COL4A6: variants seen among roughly 807,000 people sequenced by gnomAD.
COL4A6 encodes collagen type IV alpha 6 chain, also known as collagen alpha-6(IV) chain.
A neutral mutation model predicts 126.7 loss-of-function variants in COL4A6; 59 were observed. That is an observed-to-expected ratio of 0.47 (90% CI 0.38 to 0.58). The LOEUF (loss-of-function observed/expected upper bound fraction) is 0.58. Among genes scored for constraint, COL4A6 ranks in the 20% least tolerant of loss-of-function variants. The probability of loss-of-function intolerance (pLI) is 0.00; values close to 1 mark genes in which losing one functional copy is unlikely to be tolerated. For synonymous variants in COL4A6, 547 were observed against 496.6 expected, an observed-to-expected ratio of 1.10 and a Z score of -1.35; for missense variants, 1,285 against 1,337.3, an observed-to-expected ratio of 0.96 and a Z score of 0.61.
chrX:108,236,405 A>C (rs1219609537), intron 3 of COL4A6, among the ~76,000 whole-genome samples: 3 of 111,396 alleles, frequency 2.7e-5, no homozygotes, highest in Non-Finnish European at 3.8e-5. Flanking sequence ...CCAAAGGCAA[A>C]GCTAAAGAGC....
chrX:108,176,856 G>C lies in COL4A6; in HGVS notation c.2671C>G (p.Leu891Val), dbSNP rs778605883. The change falls in exon 28 of 45, where the codon CTC becomes GTC. Residue 891 changes from leucine (L) to valine (V), a missense_variant. Coordinates refer to ENST00000334504, the MANE Select transcript of COL4A6 (RefSeq NM_033641.4). ...CTTCACTTACCCTTGGGTCCAGAGA[G>C]GGCTGGCAACCCAGCGACCCCTGGA... ...GSPGVAGLPA[L>V]SGPKGEKGSV... 17 of 1,208,445 alleles carry C rather than the reference G, an allele frequency of 1.4e-5. No individual in the cohort carries two copies. In the South Asian group the frequency reaches 3.0e-4, roughly 21 times the overall value.
intron 3 of COL4A6, among the ~76,000 whole-genome samples, chrX:108,236,068 C>T (rs1055163686): frequency 3.6e-5 from 4 of 111,468 alleles, no homozygotes; most frequent in Middle Eastern, 4.6e-3. Flanking sequence ...TGCTGGCAAT[C>T]TTTCAGAAAA....
intron 2 of COL4A6, among the ~76,000 whole-genome samples, chrX:108,375,863 A>C (rs1427011825): frequency 1.8e-5 from 2 of 110,906 alleles, no homozygotes; most frequent in South Asian, 3.9e-4. Flanking sequence ...ATGACACAGC[A>C]GGTGTGCAAC....
In COL4A6 at chrX:108,221,247, C is replaced by T; in HGVS notation, c.272G>A (p.Gly91Glu). The change falls in exon 4 of 45, where the codon GGA becomes GAA. Residue 91 changes from glycine (G) to glutamate (E), a missense_variant. Physicochemically the swap from Gly to Glu is moderately conservative, Grantham distance 98. Coordinates refer to ENST00000334504, the MANE Select transcript of COL4A6 (RefSeq NM_033641.4). ...AAGCTTTGCTGGTCTTACCTTATCT[C>T]CTTTTGGTCCATAAGGTCCCAGAAG... is the stretch of plus-strand genomic sequence containing the variant. ...PGLLGPYGPKGDKGPMGVPGF... is the reference protein window; with the variant it reads ...PGLLGPYGPKEDKGPMGVPGF... The T allele has an allele frequency of 8.3e-7, 1 of 1,211,398 alleles. No homozygotes were observed. The highest frequency in any genetic ancestry group is 1.8e-5 in the South Asian group (1 of 56,985).
intron 2 of COL4A6, among the ~76,000 whole-genome samples, chrX:108,367,369 G>T (rs1443550208): frequency 9.0e-6 from 1 of 111,320 alleles, no homozygotes. Context: ...AATGGTGGCT[G>T]GTGTTCTCTC....
At chrX:108,400,894 A>C (rs751106041) in intron 2 of COL4A6, among the ~76,000 whole-genome samples, 12 of 112,153 alleles carry the variant, frequency 1.1e-4, no homozygotes, top group Middle Eastern at 4.6e-3. Flanking sequence ...AAAGGTATCA[A>C]GAATTTTCTT....
intron 29 of COL4A6, 151 bp downstream of exon 29, chrX:108,175,503 C>A: frequency 1.6e-6 from 1 of 644,305 alleles, no homozygotes; most frequent in Non-Finnish European, 2.3e-6. Flanking sequence ...GGGATTAAGT[C>A]TTTTGGTTTA....
chrX:108,347,523 T>C (rs1004078148), intron 2 of COL4A6, among the ~76,000 whole-genome samples: 1 of 111,317 alleles, frequency 9.0e-6, no homozygotes, highest in African/African-American at 3.3e-5. Context: ...CAGAAAAGGA[T>C]CTGTCAAATC....
chrX:108,254,369 A>G (rs904286961), intron 3 of COL4A6, among the ~76,000 whole-genome samples: 1 of 111,669 alleles, frequency 9.0e-6, no homozygotes, highest in Non-Finnish European at 1.9e-5. Context: ...CTGTAATCCT[A>G]TGGGCACACT....
At chrX:108,201,183 C>G (rs2148191485) in intron 13 of COL4A6, among the ~76,000 whole-genome samples, 1 of 111,636 alleles carries the variant, frequency 9.0e-6, no homozygotes, top group South Asian at 3.9e-4. Flanking sequence ...CAGAGAGACC[C>G]AAACTATCTC....
At chrX:108,224,578 T>C (rs998955186) in intron 3 of COL4A6, among the ~76,000 whole-genome samples, 1 of 111,185 alleles carries the variant, frequency 9.0e-6, no homozygotes, top group Non-Finnish European at 1.9e-5. Context: ...TCATAGGATA[T>C]GAGACAAAAA....
At chrX:108,345,270 G>T (rs896735129) in intron 2 of COL4A6, among the ~76,000 whole-genome samples, 9 of 111,510 alleles carry the variant, frequency 8.1e-5, no homozygotes, top group Non-Finnish European at 1.7e-4. Flanking sequence ...ATGTAAAAAT[G>T]AAGAGTGGAT....
At chrX:108,167,544 T>C (rs1472238506) in intron 37 of COL4A6, among the ~76,000 whole-genome samples, 1 of 110,893 alleles carries the variant, frequency 9.0e-6, no homozygotes, top group African/African-American at 3.3e-5. Context: ...CCATGTTACC[T>C]AGGCTGGTCT....
At chrX:108,217,203 T>A (rs2035882010) in intron 5 of COL4A6, among the ~76,000 whole-genome samples, 1 of 112,181 alleles carries the variant, frequency 8.9e-6, no homozygotes, top group South Asian at 3.8e-4. Flanking sequence ...AAAATGGAGT[T>A]TTGAGAACAA....
At position 108,278,104 on chromosome X, in the gene COL4A6, C is replaced by G. The variant is rs1178652349; in HGVS notation, c.144+32644G>C. ...GAGCGCCTCTCCTCCTCCAAAGGAA[C>G]GCAGCTCCTCACCAGCAACAGAACA... On this transcript the variant is annotated intron_variant, in intron 3 of 44. Transcript: ENST00000334504. Among the ~76,000 whole-genome samples, 3 of 111,794 alleles carry G rather than the reference C, an allele frequency of 2.7e-5. No individual in the cohort carries two copies. The South Asian group carries it at 1.1e-3, about 42-fold the overall frequency.
At chrX:108,308,171 G>A (rs1603058013) in intron 3 of COL4A6, among the ~76,000 whole-genome samples, 2 of 111,640 alleles carry the variant, frequency 1.8e-5, no homozygotes, top group Middle Eastern at 9.3e-3. Flanking sequence ...GCCAGACTAA[G>A]GCTCCAGATG....
chrX:108,315,408 T>G (rs2147924024), intron 2 of COL4A6, among the ~76,000 whole-genome samples: 1 of 111,587 alleles, frequency 9.0e-6, no homozygotes, highest in Non-Finnish European at 1.9e-5. Context: ...CCCAGCTAAT[T>G]TTTGTATTTT....
intron 2 of COL4A6, among the ~76,000 whole-genome samples, chrX:108,382,585 A>T (rs1042822747): frequency 9.0e-6 from 1 of 110,653 alleles, no homozygotes; most frequent in African/African-American, 3.3e-5. Context: ...CACTACAAAA[A>T]ACCTCCCTCC....
rs768266623 is a variant in COL4A6 at position 108,413,817 on chromosome X, A to G, written c.63+24125T>C. 3.6e-5 allele frequency among the ~76,000 whole-genome samples: 4 copies of G among 112,054 alleles called. No homozygotes were observed. The East Asian group carries it at 1.1e-3, about 32-fold the overall frequency. ...ACTGAAGGCAATGTAGGAGTTAAACATCTATTACTACTGGTTTTCAGACAC... is the reference window on the plus strand; with the variant it reads ...ACTGAAGGCAATGTAGGAGTTAAACGTCTATTACTACTGGTTTTCAGACAC... On this transcript the variant is annotated intron_variant, in intron 2 of 44. Transcript: ENST00000334504.
Sources: allele counts gnomAD v4.1 joint callset (sites outside exome capture counted in the v4.1 genomes callset), GRCh38; gene constraint gnomAD v4.1.1; transcripts MANE v1.5; gene names NCBI Gene and HGNC (gene_info 2026-07-23, HGNC 2026-07-21).